AGAP1: variants seen among roughly 807,000 people sequenced by gnomAD.
AGAP1 encodes ArfGAP with GTPase domain, ankyrin repeat and PH domain 1, also known as arf-GAP with GTPase, ANK repeat and PH domain-containing protein 1.
In AGAP1, 29 loss-of-function variants were observed where a neutral mutation model predicts 105.3. The observed-to-expected ratio is 0.28, with a 90% CI of 0.21 to 0.38. The LOEUF is 0.38. AGAP1 is among the 10% of genes least tolerant of loss of function. AGAP1 has a pLI of 1.00. For missense variants in AGAP1, 998 were observed against 1,165.1 expected, an observed-to-expected ratio of 0.86 and a Z score of 2.09; for synonymous variants, 509 against 485.9, an observed-to-expected ratio of 1.05 and a Z score of -0.63.
rs944013796 is a variant in AGAP1, at chr2:235,793,224, A to C, written c.674-4535A>C. 1.3e-5 allele frequency among the ~76,000 whole-genome samples: 2 copies of C among 152,152 alleles called. No homozygotes were observed. Among genetic ancestry groups the C allele is most frequent in the African/African-American group, 4.8e-5 (2 of 41,444 alleles). On this transcript the variant is annotated intron_variant, in intron 6 of 17. Coordinates refer to ENST00000304032, the MANE Select transcript of AGAP1 (RefSeq NM_001037131.3). The surrounding 1 kb of genome is among the most constrained non-coding windows in gnomAD (Gnocchi z 5.3). Reference sequence around the variant, plus strand: ...GCAGAGAGCAGGAGAGGCAGAGTCGAGCAGCATCCCCGGGCTTTCCAGAAG... The same window carrying C: ...GCAGAGAGCAGGAGAGGCAGAGTCGCGCAGCATCCCCGGGCTTTCCAGAAG...
At chr2:235,880,235 A>G (rs1401367372) in intron 9 of AGAP1, among the ~76,000 whole-genome samples, 1 of 152,028 alleles carries the variant, frequency 6.6e-6, no homozygotes, top group Non-Finnish European at 1.5e-5. Flanking sequence ...GGGCAGGACA[A>G]TTTTGAGGAT....
intron 6 of AGAP1, among the ~76,000 whole-genome samples, chr2:235,756,405 A>G (rs776061407): frequency 6.6e-6 from 1 of 152,088 alleles, no homozygotes; most frequent in African/African-American, 2.4e-5. Flanking sequence ...GGCATGTGGG[A>G]TTTTAAAGGC....
chr2:236,124,630 G>A lies in AGAP1; in HGVS notation c.*508G>A, dbSNP rs2059975122. The A allele has an allele frequency of 5.4e-6, 1 of 184,442 alleles. No individual in the cohort carries two copies. The highest frequency in any genetic ancestry group is 2.4e-5 in the African/African-American group (1 of 42,134). 11.4% of individuals were successfully genotyped at this position (184,442 alleles called of 1,614,324 possible). A position where few individuals can be genotyped will look rare whatever the true frequency, so the allele number is the denominator to read the frequency against. ...TGTCAGGTTTGAAGCCCCTATGATG[G>A]TGTGTGTCAAATCAGTTGTAGCTAA... On this transcript the variant is annotated 3_prime_UTR_variant, in exon 18 of 18. Transcript: ENST00000304032. This position sits in a 1 kb window ranked among gnomAD's most constrained non-coding sequence, Gnocchi z 5.1.
chr2:235,524,440 C>A, intron 1 of AGAP1: 1 of 257,516 alleles, frequency 3.9e-6, no homozygotes, highest in Non-Finnish European at 8.5e-6. Flanking sequence ...AAGTTTAGAG[C>A]CTTTGAGCTG....
At chr2:235,617,342 T>C (rs1321343157) in intron 1 of AGAP1, among the ~76,000 whole-genome samples, 2 of 152,188 alleles carry the variant, frequency 1.3e-5, no homozygotes, top group East Asian at 1.9e-4. Flanking sequence ...GAAATTAGAA[T>C]AGTGGTTGAA....
At chr2:235,857,182 C>T (rs757395038) in intron 9 of AGAP1, among the ~76,000 whole-genome samples, 33 of 152,264 alleles carry the variant, frequency 2.2e-4, no homozygotes, top group Non-Finnish European at 4.1e-4. Flanking sequence ...ACTGCCTGAG[C>T]GCTGCCTCCC....
chr2:235,589,269 G>A (rs532675394), intron 1 of AGAP1, among the ~76,000 whole-genome samples: 2 of 133,364 alleles, frequency 1.5e-5, no homozygotes, highest in East Asian at 4.6e-4. Context: ...GCAATGGCGC[G>A]GTCTTGGCTC....
At chr2:235,797,257 G>T (rs1170281967) in intron 6 of AGAP1, among the ~76,000 whole-genome samples, 1 of 152,136 alleles carries the variant, frequency 6.6e-6, no homozygotes, top group Admixed American at 6.5e-5. Flanking sequence ...AATGAGATAG[G>T]TGTGTATTTT....
intron 12 of AGAP1, among the ~76,000 whole-genome samples, chr2:235,947,875 T>A (rs2125247397): frequency 6.6e-6 from 1 of 152,404 alleles, no homozygotes; most frequent in African/African-American, 2.4e-5. Context: ...GAGGTGGTAC[T>A]ATTATCCTCA....
rs1053925187 is a variant in AGAP1 at position 235,599,038 on chromosome 2, C to T, written c.163+104189C>T. On this transcript the variant is annotated intron_variant, in intron 1 of 17. Transcript: ENST00000304032. This position sits in a 1 kb window ranked among gnomAD's most constrained non-coding sequence, Gnocchi z 5.3. The stretch of plus-strand genomic sequence containing the variant: ...GTGGTGTACACAGATGAGCTCACTG[C>T]TGTCCTCGGAGCAGGTAGGAATGTA... 6.6e-6 allele frequency among the ~76,000 whole-genome samples: 1 copy of T among 152,186 alleles called. No individual in the cohort carries two copies. Among genetic ancestry groups the T allele is most frequent in the African/African-American group, 2.4e-5 (1 of 41,454 alleles).
intron 13 of AGAP1, among the ~76,000 whole-genome samples, chr2:236,010,692 A>G (rs184856617): frequency 2.0e-5 from 3 of 152,316 alleles, no homozygotes; most frequent in Admixed American, 1.3e-4. Context: ...TCATGAATTC[A>G]GTTTGCTAAC....
intron 12 of AGAP1, among the ~76,000 whole-genome samples, chr2:235,942,594 T>C (rs2053311056): frequency 6.6e-6 from 1 of 151,920 alleles, no homozygotes; most frequent in Non-Finnish European, 1.5e-5. Flanking sequence ...GGAGAATCGC[T>C]TGAACCCACA....
rs1445407236 is a variant in AGAP1 at position 235,597,666 on chromosome 2, A to C, written c.163+102817A>C. On this transcript the variant is annotated intron_variant, in intron 1 of 17. Transcript: ENST00000304032. ...TTTGTTCTAACGTTGGTGATGAAAA[A>C]AATGGATTCCCGCTGGGGCCCTGTC... Among the ~76,000 whole-genome samples, 11 of 152,246 alleles carry C rather than the reference A, an allele frequency of 7.2e-5. No individual in the cohort carries two copies. In the South Asian group the frequency reaches 1.7e-3, roughly 23 times the overall value.
chr2:235,548,054 G>A (rs541086388), intron 1 of AGAP1, among the ~76,000 whole-genome samples: 1 of 152,378 alleles, frequency 6.6e-6, no homozygotes, highest in South Asian at 2.1e-4. Flanking sequence ...GTTGGCCTCA[G>A]GCTGCTGTTT....
chr2:235,523,957 G>T (rs780526663), intron 1 of AGAP1, among the ~76,000 whole-genome samples: 2 of 152,082 alleles, frequency 1.3e-5, no homozygotes, highest in Middle Eastern at 3.4e-3. Flanking sequence ...GATGAGGCCG[G>T]GGGCGGTGGC....
chr2:236,018,708 G>T (rs1367199071), intron 13 of AGAP1, among the ~76,000 whole-genome samples: 5 of 152,188 alleles, frequency 3.3e-5, no homozygotes, highest in Non-Finnish European at 7.3e-5. Flanking sequence ...CTTCAAATAG[G>T]TGATGACACT....
intron 1 of AGAP1, among the ~76,000 whole-genome samples, chr2:235,693,714 T>A (rs893332753): frequency 6.6e-6 from 1 of 152,144 alleles, no homozygotes; most frequent in Non-Finnish European, 1.5e-5. Context: ...ACATTAGAAG[T>A]AGTAGTACTT....
At chr2:235,924,515 C>A (rs1298991422) in intron 11 of AGAP1, among the ~76,000 whole-genome samples, 2 of 152,198 alleles carry the variant, frequency 1.3e-5, no homozygotes, top group Non-Finnish European at 2.9e-5. Flanking sequence ...GAATAGGCGG[C>A]AGCTTCTGCA....
chr2:236,123,933 C>T lies in AGAP1; in HGVS notation c.2385C>T (p.Val795=), dbSNP rs1303469438. The part of the protein sequence containing the change: ...AQLLIWYGVD[V]TARDAHGNTA... ...TACCTCCGCAGTACGGAGTGGACGTCACGGCCCGAGATGCCCACGGGAACA... is the reference window on the plus strand; with the variant it reads ...TACCTCCGCAGTACGGAGTGGACGTTACGGCCCGAGATGCCCACGGGAACA... Residue 795 remains valine, a synonymous_variant, in exon 18 of 18, where the codon GTC becomes GTT. Transcript: ENST00000304032. The surrounding 1 kb of genome is among the most constrained non-coding windows in gnomAD (Gnocchi z 4.6). 22 of 1,613,228 alleles carry T rather than the reference C, an allele frequency of 1.4e-5. No homozygotes were observed. The highest frequency in any genetic ancestry group is 1.9e-5 in the Non-Finnish European group (22 of 1,179,880).
Sources: allele counts gnomAD v4.1 joint callset (sites outside exome capture counted in the v4.1 genomes callset), GRCh38; gene constraint gnomAD v4.1.1; non-coding constraint Gnocchi (gnomAD v3.1); transcripts MANE v1.5; gene names NCBI Gene and HGNC (gene_info 2026-07-23, HGNC 2026-07-21).